The following SMIM7 variants were observed in gnomAD, a reference collection of about 807,000 sequenced individuals.
The protein encoded by SMIM7 is small integral membrane protein 7.
A neutral mutation model predicts 13.3 loss-of-function variants in SMIM7; 12 were observed. That is an observed-to-expected ratio of 0.90 (90% CI 0.58 to 1.46). SMIM7 has a LOEUF of 1.46. Among genes scored for constraint, SMIM7 ranks in the 40% most tolerant of loss-of-function variants. The pLI is 0.00. For missense variants in SMIM7, 114 were observed against 94.8 expected, an observed-to-expected ratio of 1.20 and a Z score of -0.84; for synonymous variants, 36 against 35.8, an observed-to-expected ratio of 1.01 and a Z score of -0.02.
At chr19:16,643,882 C>T (rs1351054580), downstream of SMIM7, 1 of 152,194 alleles carries the variant, frequency 6.6e-6, no homozygotes, top group Non-Finnish European at 1.5e-5. Flanking sequence ...AAAATATAAT[C>T]CAAGTCCAGC....
chr19:16,639,223 C>T (rs1043640303), intron 4 of SMIM7, among the ~76,000 whole-genome samples: 1 of 150,980 alleles, frequency 6.6e-6, no homozygotes, highest in African/African-American at 2.4e-5. Flanking sequence ...CCCAGGTTCA[C>T]GCCATTCTCC....
intron 4 of SMIM7, among the ~76,000 whole-genome samples, chr19:16,652,033 G>A (rs1055093254): frequency 2.7e-5 from 4 of 150,632 alleles, no homozygotes; most frequent in Non-Finnish European, 5.9e-5. Context: ...GAGAATGAGG[G>A]AAGCATGCTG....
rs2086459306 is a variant in SMIM7 at position 16,647,151 on chromosome 19, G to A, written c.*95C>T. On this transcript the variant is annotated 3_prime_UTR_variant, in exon 5 of 5. Transcript: ENST00000487416. ...CTTGGACTTTCTGGGAAGGTTGTCG[G>A]TTTTCTGGTCAAAAACATTCTTGAA... 6.4e-7 allele frequency: 1 copy of A among 1,558,998 alleles called. No individual in the cohort carries two copies. The highest frequency in any genetic ancestry group is 1.4e-5 in the African/African-American group (1 of 73,834).
downstream of SMIM7, among the ~76,000 whole-genome samples, chr19:16,644,118 G>GTTTTTTTTTTTTTTTT (rs557600997): frequency 1.2e-5 from 1 of 85,430 alleles, no homozygotes; most frequent in African/African-American, 4.9e-5. Flanking sequence ...AATTGTTTGC[G>GTTTTTTTTTTTTTTTT]TTTTTTTTTT....
At chr19:16,647,934 T>C (rs1191339435) in intron 4 of SMIM7, among the ~76,000 whole-genome samples, 2 of 152,172 alleles carry the variant, frequency 1.3e-5, no homozygotes, top group Non-Finnish European at 2.9e-5. Context: ...AAGAATAAAG[T>C]TGGACCCCTG....
chr19:16,651,917 G>A (rs2086531992), intron 4 of SMIM7, among the ~76,000 whole-genome samples: 1 of 150,736 alleles, frequency 6.6e-6, no homozygotes, highest in Admixed American at 6.6e-5. Flanking sequence ...GAGAATGAGA[G>A]AAGCATAGAA....
chr19:16,652,441 A>G lies in SMIM7; in HGVS notation c.212+1594T>C, dbSNP rs192150319. The G allele has an allele frequency of 7.5e-6, 5 of 667,430 alleles. No homozygotes were observed. The East Asian group carries it at 5.4e-4, about 71-fold the overall frequency. 41.3% of individuals were successfully genotyped at this position (667,430 alleles called of 1,614,324 possible). On this transcript the variant is annotated intron_variant, in intron 4 of 4. Coordinates refer to ENST00000487416, the MANE Select transcript of SMIM7 (RefSeq NM_024104.4). ...GGTCTTGAACTCCTGGGCTCAAGCAATTCTCCCACCTTGGCCTCCCAAAGT... is the reference window on the plus strand; with the variant it reads ...GGTCTTGAACTCCTGGGCTCAAGCAGTTCTCCCACCTTGGCCTCCCAAAGT...
intron 4 of SMIM7, among the ~76,000 whole-genome samples, chr19:16,638,186 T>A (rs953359705): frequency 1.3e-5 from 2 of 151,868 alleles, no homozygotes; most frequent in African/African-American, 4.8e-5. Context: ...AAGAATCACT[T>A]AAAGCCGGAG....
At chr19:16,647,293 A>T (rs775976268) in intron 4 of SMIM7, 32 bp from the exon 5 acceptor site, 11 of 1,613,546 alleles carry the variant, frequency 6.8e-6, no homozygotes, top group Non-Finnish European at 9.3e-6. Context: ...AATGTCTGTG[A>T]GGATAGGAGG....
At chr19:16,648,730 T>G (rs767631466) in intron 4 of SMIM7, among the ~76,000 whole-genome samples, 59 of 152,146 alleles carry the variant, frequency 3.9e-4, no homozygotes, top group Non-Finnish European at 8.8e-5. Flanking sequence ...GAACTGGCTG[T>G]GCACAGTGGC....
At chr19:16,642,823 C>CT (rs11323250), downstream of SMIM7, among the ~76,000 whole-genome samples, 526 of 133,494 alleles carry the variant, frequency 3.9e-3, 6 homozygotes, top group East Asian at 8.4e-3. Context: ...GAGACCTTAT[C>CT]TTTTTTTTTT....
At chr19:16,647,616 A>G (rs940918030) in intron 4 of SMIM7, among the ~76,000 whole-genome samples, 7 of 150,662 alleles carry the variant, frequency 4.6e-5, no homozygotes, top group African/African-American at 1.7e-4. Flanking sequence ...CCACCAAGCC[A>G]GATTAATTTT....
intron 4 of SMIM7, chr19:16,634,802 AAG>A (rs1477900189): frequency 6.6e-6 from 1 of 150,972 alleles, no homozygotes; most frequent in African/African-American, 2.4e-5. Context: ...AAAAAAAAAA[AAG>A]GCAAGAAAAC....
chr19:16,641,976 G>A (rs952623974), downstream of SMIM7, among the ~76,000 whole-genome samples: 1 of 152,186 alleles, frequency 6.6e-6, no homozygotes, highest in Admixed American at 6.5e-5. Flanking sequence ...TGTACATGAA[G>A]GGCAATGAGA....
At chr19:16,639,414 G>A (rs745392271) in intron 4 of SMIM7, among the ~76,000 whole-genome samples, 50 of 152,208 alleles carry the variant, frequency 3.3e-4, no homozygotes, top group Admixed American at 8.5e-4. Flanking sequence ...GAGCCACTGC[G>A]CCCGGTCATA....
Position 16,646,480 on chromosome 19 carries a change from A to G in SMIM7, c.*766T>C, listed in dbSNP as rs1421913335. 4 of 153,348 alleles carry G rather than the reference A, an allele frequency of 2.6e-5. No individual in the cohort carries two copies. Among genetic ancestry groups the G allele is most frequent in the Admixed American group, 6.6e-5 (1 of 15,262 alleles). 9.5% of individuals were successfully genotyped at this position (153,348 alleles called of 1,614,324 possible). On this transcript the variant is annotated 3_prime_UTR_variant, in exon 5 of 5. Transcript: ENST00000487416. ...TCAACCTCAAAATCACCTACTCAAAAAGCAGACTCAGAAACCCAAGGTTTT... is the reference window on the plus strand; with the variant it reads ...TCAACCTCAAAATCACCTACTCAAAGAGCAGACTCAGAAACCCAAGGTTTT...
intron 2 of SMIM7, 179 bp downstream of exon 2, chr19:16,659,780 G>A (rs921294411): frequency 1.3e-6 from 1 of 783,466 alleles, no homozygotes; most frequent in African/African-American, 1.7e-5. Flanking sequence ...ATGGGTTTAA[G>A]GTCTCTCGGG....
At chr19:16,639,449 T>C (rs1336522994) in intron 4 of SMIM7, among the ~76,000 whole-genome samples, 2 of 152,168 alleles carry the variant, frequency 1.3e-5, no homozygotes, top group African/African-American at 4.8e-5. Context: ...AAAAACTGTC[T>C]AGTCCAGAGA....
At chr19:16,647,670 G>A (rs2086467836) in intron 4 of SMIM7, among the ~76,000 whole-genome samples, 1 of 151,900 alleles carries the variant, frequency 6.6e-6, no homozygotes, top group African/African-American at 2.4e-5. Context: ...TGGCTGGGCT[G>A]GTTTCGAACT....
Sources: allele counts gnomAD v4.1 joint callset (sites outside exome capture counted in the v4.1 genomes callset), GRCh38; gene constraint gnomAD v4.1.1; transcripts MANE v1.5; gene names NCBI Gene and HGNC (gene_info 2026-07-23, HGNC 2026-07-21).